Variants in ROBO1 observed in about 807,000 individuals in gnomAD.
ROBO1 encodes roundabout guidance receptor 1.
A neutral mutation model predicts 195.9 loss-of-function variants in ROBO1; 149 were observed. The ratio of observed to expected loss-of-function variants is 0.76; its 90% CI spans 0.67 to 0.87. The LOEUF (loss-of-function observed/expected upper bound fraction) is 0.87, where lower values mean the gene tolerates loss of function less well. Among genes scored for constraint, ROBO1 ranks in the 40% least tolerant of loss-of-function variants. The pLI is 0.00. For missense variants in ROBO1, 1,933 were observed against 2,068.3 expected, an observed-to-expected ratio of 0.93 and a Z score of 1.27; for synonymous variants, 816 against 733.2, an observed-to-expected ratio of 1.11 and a Z score of -1.82.
At chr3:78,808,897 G>C (rs2084636769) in intron 4 of ROBO1, among the ~76,000 whole-genome samples, 1 of 152,104 alleles carries the variant, frequency 6.6e-6, no homozygotes, top group African/African-American at 2.4e-5. Context: ...AAAAACACTA[G>C]AAGAAAACCG....
At chr3:78,859,853 G>A (rs2034681451) in intron 4 of ROBO1, among the ~76,000 whole-genome samples, 1 of 152,092 alleles carries the variant, frequency 6.6e-6, no homozygotes, top group African/African-American at 2.4e-5. Flanking sequence ...GGCCAAGGCG[G>A]GTGGATCACG....
chr3:79,223,268 T>A (rs568745320), intron 2 of ROBO1, among the ~76,000 whole-genome samples: 2 of 152,214 alleles, frequency 1.3e-5, no homozygotes, highest in African/African-American at 2.4e-5. Context: ...ACAGAAAAAA[T>A]TATTTCTGAA....
intron 4 of ROBO1, among the ~76,000 whole-genome samples, chr3:78,809,162 AC>A (rs1241912626): frequency 1.3e-5 from 2 of 151,614 alleles, no homozygotes; most frequent in East Asian, 1.9e-4. Context: ...GAAAAAAAAA[AC>A]ATCAAAAAGT....
In ROBO1 at chr3:78,840,600, A is replaced by G. The variant is rs192021895; in HGVS notation, c.500-93700T>C. Among the ~76,000 whole-genome samples the G allele has an allele frequency of 4.6e-5, 7 of 152,322 alleles. No homozygotes were observed. In the East Asian group the frequency reaches 1.2e-3, roughly 25 times the overall value. On this transcript the variant is annotated intron_variant, in intron 4 of 30. Coordinates refer to ENST00000464233, the MANE Select transcript of ROBO1 (RefSeq NM_002941.4). ...ATAATCGTGCAAGGTTACACGGCTAATAACTGACTCACTCTACTATCAAAC... is the reference window on the plus strand; with the variant it reads ...ATAATCGTGCAAGGTTACACGGCTAGTAACTGACTCACTCTACTATCAAAC...
chr3:79,261,451 A>C (rs1044169814), intron 2 of ROBO1, among the ~76,000 whole-genome samples: 1 of 152,066 alleles, frequency 6.6e-6, no homozygotes, highest in Non-Finnish European at 1.5e-5. Context: ...TTTCATTTTT[A>C]AGTTGTATAT....
rs182497095 is a variant in ROBO1 at position 78,862,866 on chromosome 3, C to T, written c.499+75735G>A. ...ATGTCATTTTGGTAACTCTGATACA[C>T]CATTTCCCTAAATTCCCCTCCATAC... is the stretch of plus-strand genomic sequence containing the variant. On this transcript the variant is annotated intron_variant, in intron 4 of 30. Coordinates refer to ENST00000464233, the MANE Select transcript of ROBO1 (RefSeq NM_002941.4). Among the ~76,000 whole-genome samples the T allele has an allele frequency of 3.8e-3, 581 of 152,184 alleles. 7 individuals are homozygous for T. Among genetic ancestry groups the T allele is most frequent in the Middle Eastern group, 6.8e-3 (2 of 294 alleles).
chr3:79,122,825 C>A (rs950432296), intron 3 of ROBO1, among the ~76,000 whole-genome samples: 11 of 151,762 alleles, frequency 7.2e-5, no homozygotes, highest in Admixed American at 6.6e-4. Context: ...ATGTTCCCCC[C>A]AAAAATGTTT....
At chr3:79,260,548 C>A (rs2082920987) in intron 2 of ROBO1, among the ~76,000 whole-genome samples, 1 of 152,114 alleles carries the variant, frequency 6.6e-6, no homozygotes, top group African/African-American at 2.4e-5. Context: ...CTTCTCACTA[C>A]AAGTTTTAAC....
chr3:78,836,255 G>C (rs1234818248), intron 4 of ROBO1, among the ~76,000 whole-genome samples: 1 of 152,054 alleles, frequency 6.6e-6, no homozygotes, highest in African/African-American at 2.4e-5. Flanking sequence ...GCTCATGCCT[G>C]TAATCCCAGC....
intron 2 of ROBO1, among the ~76,000 whole-genome samples, chr3:79,532,747 A>G (rs1941709665): frequency 6.6e-6 from 1 of 152,228 alleles, no homozygotes. Context: ...TAAACAATCT[A>G]GGGATTCAGA....
At chr3:79,620,559 C>T (rs1944974452) in intron 1 of ROBO1, among the ~76,000 whole-genome samples, 1 of 152,050 alleles carries the variant, frequency 6.6e-6, no homozygotes, top group East Asian at 1.9e-4. Flanking sequence ...CTCCACCTGC[C>T]CAGCTCCCTT....
intron 4 of ROBO1, among the ~76,000 whole-genome samples, chr3:78,832,016 T>TATATGAGATTAATAAGGGG (rs71127363): frequency 0.37 from 55,918 of 151,906 alleles, 11,110 homozygotes; most frequent in South Asian, 0.49. Flanking sequence ...ATATCAGGTA[T>TATATGAGATTAATAAGGGG]GAGGAAATGA....
intron 4 of ROBO1, among the ~76,000 whole-genome samples, chr3:78,856,294 A>G (rs1302053728): frequency 5.0e-5 from 6 of 119,016 alleles, no homozygotes; most frequent in African/African-American, 2.1e-4. Context: ...CAAAAAAAAG[A>G]AAAAAAAAAA....
At chr3:79,704,726 T>A (rs1421468263) in intron 1 of ROBO1, among the ~76,000 whole-genome samples, 1 of 152,066 alleles carries the variant, frequency 6.6e-6, no homozygotes, top group African/African-American at 2.4e-5. Flanking sequence ...CTGTGTCATA[T>A]AATAGGAGTG....
chr3:78,688,941 A>G (rs1170916913), intron 8 of ROBO1, among the ~76,000 whole-genome samples, 169 bp from the exon 9 acceptor site: 1 of 152,254 alleles, frequency 6.6e-6, no homozygotes, highest in Non-Finnish European at 1.5e-5. Context: ...TGTTAAGTTC[A>G]TAGTTAGAAA....
At chr3:79,448,751 A>G (rs930551768) in intron 2 of ROBO1, among the ~76,000 whole-genome samples, 3 of 152,210 alleles carry the variant, frequency 2.0e-5, no homozygotes, top group Non-Finnish European at 4.4e-5. Flanking sequence ...TCATATAATT[A>G]AGTTAAAATG....
At chr3:79,600,614 C>T (rs1431638333) in intron 1 of ROBO1, among the ~76,000 whole-genome samples, 2 of 151,170 alleles carry the variant, frequency 1.3e-5, no homozygotes, top group Non-Finnish European at 3.0e-5. Flanking sequence ...ATTCTCTTCC[C>T]TCTGCTTAGT....
chr3:79,042,270 C>G (rs772218957), intron 3 of ROBO1, among the ~76,000 whole-genome samples: 2 of 152,116 alleles, frequency 1.3e-5, no homozygotes, highest in Non-Finnish European at 2.9e-5. Context: ...CATACATACA[C>G]ACACACATAT....
chr3:78,643,779 G>A (rs1332769421), intron 21 of ROBO1, among the ~76,000 whole-genome samples: 1 of 152,102 alleles, frequency 6.6e-6, no homozygotes, highest in Non-Finnish European at 1.5e-5. Context: ...GGAATTAGCA[G>A]GAAATAATGC....
Sources: gnomAD v4.1 joint callset for allele counts (sites outside exome capture counted in the v4.1 genomes callset) on GRCh38, gnomAD v4.1.1 for gene constraint, MANE v1.5 for transcripts, NCBI Gene and HGNC (gene_info 2026-07-23, HGNC 2026-07-21) for gene names.